PCDH9: variants seen among roughly 807,000 people sequenced by gnomAD.
The protein encoded by PCDH9 is protocadherin 9, also known as protocadherin-9.
In PCDH9, 24 loss-of-function variants were observed where a neutral mutation model predicts 70.6. The observed-to-expected ratio is 0.34, with a 90% CI of 0.25 to 0.48. The LOEUF (loss-of-function observed/expected upper bound fraction) is 0.48. Ranked by LOEUF, PCDH9 falls within the 20% of genes least tolerant of loss-of-function variation. PCDH9 has a pLI of 0.99. For missense variants in PCDH9, 1,281 were observed against 1,503.6 expected, an observed-to-expected ratio of 0.85 and a Z score of 2.45; for synonymous variants, 562 against 558.5, an observed-to-expected ratio of 1.01 and a Z score of -0.09.
intron 4 of PCDH9, among the ~76,000 whole-genome samples, chr13:66,521,901 T>A (rs1217825328): frequency 2.0e-5 from 3 of 151,868 alleles, no homozygotes; most frequent in Admixed American, 2.0e-4. Flanking sequence ...TATATATACA[T>A]TATCCTGGAG....
intron 2 of PCDH9, among the ~76,000 whole-genome samples, chr13:67,176,238 C>T (rs1009828651): frequency 6.6e-6 from 1 of 152,070 alleles, no homozygotes; most frequent in African/African-American, 2.4e-5. Context: ...AGCGGTGATG[C>T]AGAGAAAGTT....
At chr13:66,573,193 C>A (rs2076758575) in intron 4 of PCDH9, among the ~76,000 whole-genome samples, 1 of 150,534 alleles carries the variant, frequency 6.6e-6, no homozygotes. Flanking sequence ...TGATGCTGAA[C>A]ATTTTTTTCA....
intron 3 of PCDH9, among the ~76,000 whole-genome samples, chr13:66,855,717 A>G (rs1190317217): frequency 6.6e-6 from 1 of 152,034 alleles, no homozygotes; most frequent in Admixed American, 6.6e-5. Context: ...CACAAAGTGA[A>G]TGATTGATAA....
chr13:66,851,404 T>G (rs2081312275), intron 3 of PCDH9, among the ~76,000 whole-genome samples: 3 of 152,122 alleles, frequency 2.0e-5, no homozygotes, highest in Admixed American at 1.3e-4. Flanking sequence ...AAAAATAACT[T>G]AAAATGAACA....
At chr13:66,567,038 A>T (rs539357605) in intron 4 of PCDH9, among the ~76,000 whole-genome samples, 1 of 152,116 alleles carries the variant, frequency 6.6e-6, no homozygotes, top group Non-Finnish European at 1.5e-5. Flanking sequence ...GTGAGGGGAA[A>T]GTTCTCCATT....
intron 3 of PCDH9, among the ~76,000 whole-genome samples, chr13:66,789,350 A>G (rs918562108): frequency 1.3e-5 from 2 of 152,196 alleles, no homozygotes; most frequent in African/African-American, 4.8e-5. Context: ...GGCCATTAAC[A>G]TTGCAAGAAC....
chr13:66,759,529 T>C (rs1233486224), intron 3 of PCDH9, among the ~76,000 whole-genome samples: 2 of 152,152 alleles, frequency 1.3e-5, no homozygotes, highest in Non-Finnish European at 2.9e-5. Context: ...ATTTTGTTAA[T>C]TGTTTTCTAG....
chr13:67,216,247 C>A (rs890331465), intron 2 of PCDH9: 10 of 152,166 alleles, frequency 6.6e-5, no homozygotes, highest in African/African-American at 2.2e-4. Flanking sequence ...AAAAATCAAT[C>A]AATGAATTCA....
At chr13:66,542,279 T>A in intron 4 of PCDH9, among the ~76,000 whole-genome samples, 1 of 152,102 alleles carries the variant, frequency 6.6e-6, no homozygotes, top group East Asian at 1.9e-4. Flanking sequence ...CAATAAAGCA[T>A]GTTATAGTTA....
In PCDH9 at chr13:66,362,640, C is replaced by G. The variant is rs550147663; in HGVS notation, c.3341-57612G>C. Among the ~76,000 whole-genome samples, 44 of 152,124 alleles carry G rather than the reference C, an allele frequency of 2.9e-4. 1 individual carries two copies. The South Asian group carries it at 8.7e-3, about 30-fold the overall frequency. ...GAAGGATATGTGTATTTATGTTTCT[C>G]TTTCTTCTTCTTTGTCTCTCTCTGT... On this transcript the variant is annotated intron_variant, in intron 4 of 4. Coordinates refer to ENST00000377865, the MANE Select transcript of PCDH9 (RefSeq NM_203487.3).
At chr13:66,307,002 T>C (rs774727559) in intron 4 of PCDH9, among the ~76,000 whole-genome samples, 8 of 152,160 alleles carry the variant, frequency 5.3e-5, no homozygotes, top group Middle Eastern at 6.8e-3. Context: ...CGGGCCTGTT[T>C]TCATTTAATT....
intron 2 of PCDH9, among the ~76,000 whole-genome samples, chr13:67,193,472 C>T (rs1453634418): frequency 1.3e-5 from 2 of 151,874 alleles, no homozygotes; most frequent in Non-Finnish European, 2.9e-5. Flanking sequence ...TTATATTTAA[C>T]ACAATAAAAA....
intron 4 of PCDH9, among the ~76,000 whole-genome samples, chr13:66,487,386 G>A (rs1287350391): frequency 6.6e-6 from 1 of 152,072 alleles, no homozygotes; most frequent in Non-Finnish European, 1.5e-5. Flanking sequence ...TTTTTAGGGA[G>A]GCTTAATTTA....
At chr13:67,091,585 A>G (rs1333758489) in intron 2 of PCDH9, among the ~76,000 whole-genome samples, 2 of 152,106 alleles carry the variant, frequency 1.3e-5, no homozygotes, top group African/African-American at 4.8e-5. Flanking sequence ...TCAAGGACAC[A>G]TGTATTATTG....
At chr13:67,150,734 C>T (rs2087636345) in intron 2 of PCDH9, among the ~76,000 whole-genome samples, 1 of 152,186 alleles carries the variant, frequency 6.6e-6, no homozygotes. Context: ...AATAAAACCA[C>T]TGGCAAATAA....
At chr13:66,603,414 T>C (rs2077185812) in intron 4 of PCDH9, among the ~76,000 whole-genome samples, 1 of 152,026 alleles carries the variant, frequency 6.6e-6, no homozygotes, top group Non-Finnish European at 1.5e-5. Flanking sequence ...AAAATCTAAA[T>C]ATTTTTATAT....
chr13:66,782,208 C>T (rs897140066), intron 3 of PCDH9, among the ~76,000 whole-genome samples: 2 of 152,098 alleles, frequency 1.3e-5, no homozygotes, highest in African/African-American at 4.8e-5. Context: ...TGAAAAAATC[C>T]TTAATTCCTA....
intron 2 of PCDH9, among the ~76,000 whole-genome samples, chr13:66,909,854 T>C (rs1267637422): frequency 2.0e-5 from 3 of 152,120 alleles, no homozygotes; most frequent in Admixed American, 6.6e-5. Flanking sequence ...ACAAATAAGC[T>C]TATGTTCAAC....
intron 2 of PCDH9, among the ~76,000 whole-genome samples, chr13:67,199,767 C>T (rs1314962966): frequency 6.6e-6 from 1 of 152,030 alleles, no homozygotes; most frequent in Non-Finnish European, 1.5e-5. Flanking sequence ...ACCAACAAGC[C>T]GCTTGCTCAG....
Sources: gnomAD v4.1 joint callset for allele counts (sites outside exome capture counted in the v4.1 genomes callset) on GRCh38, gnomAD v4.1.1 for gene constraint, MANE v1.5 for transcripts, NCBI Gene and HGNC (gene_info 2026-07-23, HGNC 2026-07-21) for gene names.